The following SLC17A6 variants were observed in gnomAD, a reference collection of about 807,000 sequenced individuals.
SLC17A6 encodes the protein vesicular glutamate transporter 2.
Under a neutral mutation model 67.1 loss-of-function variants are expected in SLC17A6, and 35 were observed. The observed-to-expected ratio is 0.52, with a 90% confidence interval of 0.40 to 0.69. The LOEUF (loss-of-function observed/expected upper bound fraction) is 0.69. SLC17A6 is among the 30% of genes least tolerant of loss of function. The pLI is 0.00. For synonymous variants in SLC17A6, 285 were observed against 252.3 expected, an observed-to-expected ratio of 1.13 and a Z score of -1.23; for missense variants, 588 against 723.9, an observed-to-expected ratio of 0.81 and a Z score of 2.15.
intron 4 of SLC17A6, among the ~76,000 whole-genome samples, chr11:22,360,547 A>T (rs921195130): frequency 2.2e-5 from 3 of 137,006 alleles, no homozygotes; most frequent in African/African-American, 7.7e-5. Context: ...CAAAAAAAAG[A>T]TAGGTTCAAA....
intron 8 of SLC17A6, among the ~76,000 whole-genome samples, chr11:22,372,721 G>T (rs535363614): frequency 6.6e-6 from 1 of 152,160 alleles, no homozygotes; most frequent in South Asian, 2.1e-4. Context: ...TTTCTATGAA[G>T]AATAAATCAA....
At chr11:22,344,303 G>C (rs1855851926) in intron 3 of SLC17A6, among the ~76,000 whole-genome samples, 1 of 152,048 alleles carries the variant, frequency 6.6e-6, no homozygotes, top group South Asian at 2.1e-4. Context: ...CATTTTAAAG[G>C]AAGAGGACTA....
chr11:22,369,542 T>A (rs1856150971), intron 7 of SLC17A6, among the ~76,000 whole-genome samples: 1 of 151,984 alleles, frequency 6.6e-6, no homozygotes, highest in Admixed American at 6.6e-5. Context: ...TGATTGGTAG[T>A]AGAATAATTG....
chr11:22,340,608 T>C (rs535709926), intron 1 of SLC17A6, among the ~76,000 whole-genome samples: 34 of 152,286 alleles, frequency 2.2e-4, no homozygotes, highest in African/African-American at 7.0e-4. Context: ...GCATTTTGCG[T>C]CTTGGGAAAT....
chr11:22,350,239 T>C lies in SLC17A6; in HGVS notation c.458+6874T>C, dbSNP rs74499163. Among the ~76,000 whole-genome samples, 3,329 of 152,264 alleles carry C rather than the reference T, an allele frequency of 0.022. 269 individuals are homozygous for C. In the East Asian group the frequency reaches 0.29, roughly 13 times the overall value. On this transcript the variant is annotated intron_variant, in intron 3 of 11. Coordinates refer to ENST00000263160, the MANE Select transcript of SLC17A6 (RefSeq NM_020346.3). ...AAACATTTCTGTGTCATGATTACTA[T>C]TACACCTCTTGATTTTGGCAATCTC...
intron 7 of SLC17A6, 73 bp downstream of exon 7, chr11:22,365,762 A>G: frequency 6.7e-7 from 1 of 1,486,098 alleles, no homozygotes; most frequent in Non-Finnish European, 9.0e-7. Context: ...AAACTATCTT[A>G]CAAGTTCTTC....
chr11:22,360,712 A>T lies in SLC17A6; in HGVS notation c.574-185A>T, dbSNP rs192854111. Among the ~76,000 whole-genome samples, 1,365 of 152,124 alleles carry T rather than the reference A, an allele frequency of 9.0e-3. 20 individuals are homozygous for T. The highest frequency in any genetic ancestry group is 0.031 in the African/African-American group (1,288 of 41,502). ...AATGCCCTACAAAATGATCTCCCAA[A>T]TTTTTTCAAACTGTTCAGAATTGCA... is the stretch of plus-strand genomic sequence containing the variant. On this transcript the variant is annotated intron_variant, in intron 4 of 11. Coordinates refer to ENST00000263160, the MANE Select transcript of SLC17A6 (RefSeq NM_020346.3).
intron 3 of SLC17A6, among the ~76,000 whole-genome samples, chr11:22,355,077 A>G (rs774547851): frequency 6.6e-6 from 1 of 152,116 alleles, no homozygotes; most frequent in Non-Finnish European, 1.5e-5. Flanking sequence ...TGTGCCAGCC[A>G]TTCTTCTGGT....
intron 11 of SLC17A6, among the ~76,000 whole-genome samples, 177 bp from the exon 12 acceptor site, chr11:22,377,228 A>C (rs1856241240): frequency 6.6e-6 from 1 of 152,262 alleles, no homozygotes; most frequent in Non-Finnish European, 1.5e-5. Flanking sequence ...AACATTAAAT[A>C]ATAAAAGTAA....
intron 3 of SLC17A6, among the ~76,000 whole-genome samples, chr11:22,347,289 G>T (rs1855888442): frequency 1.3e-5 from 2 of 151,938 alleles, no homozygotes; most frequent in African/African-American, 4.8e-5. Context: ...CAAACTGTAG[G>T]TTCAGGCTCT....
At position 22,341,520 on chromosome 11, in the gene SLC17A6, C is replaced by T. The variant is rs962659984; in HGVS notation, c.87-8C>T. The T allele has an allele frequency of 6.2e-7, 1 of 1,611,972 alleles. No individual in the cohort carries two copies. Among genetic ancestry groups the T allele is most frequent in the Non-Finnish European group, 8.5e-7 (1 of 1,179,232 alleles). The stretch of plus-strand genomic sequence containing the variant: ...AAGTCCTTGACTCGCCCCTGCTCTG[C>T]CGCGCAGGGTGCTGGAGAAGAAGCA... On this transcript the variant is annotated splice_polypyrimidine_tract_variant and splice_region_variant and intron_variant, in intron 1 of 11. Coordinates refer to ENST00000263160, the MANE Select transcript of SLC17A6 (RefSeq NM_020346.3).
rs1218301982 is a variant in SLC17A6 at position 22,378,311 on chromosome 11, A to G, written c.*571A>G. On this transcript the variant is annotated 3_prime_UTR_variant, in exon 12 of 12. Coordinates refer to ENST00000263160, the MANE Select transcript of SLC17A6 (RefSeq NM_020346.3). ...GATATTTTGTTAGTCCTCAAAAGGA[A>G]TATCTTGCAGTGTTTTCTATGAAAT... 6.5e-6 allele frequency: 1 copy of G among 152,772 alleles called. No individual in the cohort carries two copies. Among genetic ancestry groups the G allele is most frequent in the African/African-American group, 2.4e-5 (1 of 41,468 alleles). The allele number at this position is 152,772 out of a possible 1,614,324, so 9.5% of individuals were successfully genotyped here. A position where few individuals can be genotyped will look rare whatever the true frequency, so the allele number is the denominator to read the frequency against.
chr11:22,343,401 G>C, intron 3 of SLC17A6, 36 bp downstream of exon 3: 1 of 1,557,104 alleles, frequency 6.4e-7, no homozygotes, highest in Non-Finnish European at 8.7e-7. Context: ...TCGGGGCGTG[G>C]TGTTTGTTTC....
At chr11:22,342,575 C>G (rs1028602832) in intron 2 of SLC17A6, among the ~76,000 whole-genome samples, 3 of 152,146 alleles carry the variant, frequency 2.0e-5, no homozygotes, top group Middle Eastern at 3.4e-3. Flanking sequence ...TTGAGGTTCC[C>G]CTCGGGGAGT....
chr11:22,370,509 G>C (rs1181479056), intron 8 of SLC17A6, among the ~76,000 whole-genome samples: 1 of 151,976 alleles, frequency 6.6e-6, no homozygotes, highest in Non-Finnish European at 1.5e-5. Context: ...TTAAGTCTCA[G>C]CTCACAGACA....
chr11:22,345,035 T>A (rs1017047256), intron 3 of SLC17A6, among the ~76,000 whole-genome samples: 4 of 152,130 alleles, frequency 2.6e-5, no homozygotes, highest in Non-Finnish European at 4.4e-5. Context: ...CTCAATATGA[T>A]GTCAAATGAA....
intron 3 of SLC17A6, among the ~76,000 whole-genome samples, chr11:22,347,709 T>G (rs934443515): frequency 1.3e-5 from 2 of 152,194 alleles, no homozygotes; most frequent in African/African-American, 4.8e-5. Context: ...TCCGTAAATT[T>G]TATTTGAAGG....
rs189557476 is a variant in SLC17A6, at chr11:22,357,815, T to G, written c.459-1598T>G. Among the ~76,000 whole-genome samples the G allele has an allele frequency of 5.9e-5, 9 of 152,298 alleles. No homozygotes were observed. The East Asian group carries it at 1.4e-3, about 23-fold the overall frequency. ...CCTCAAACCTTAGCATGCAAAATTA[T>G]CTTTGGCTTAAAACAAAAGGACATC... On this transcript the variant is annotated intron_variant, in intron 3 of 11. Coordinates refer to ENST00000263160, the MANE Select transcript of SLC17A6 (RefSeq NM_020346.3).
chr11:22,353,455 T>C (rs1855964237), intron 3 of SLC17A6, among the ~76,000 whole-genome samples: 1 of 152,182 alleles, frequency 6.6e-6, no homozygotes, highest in Non-Finnish European at 1.5e-5. Flanking sequence ...GCTAAAAGAA[T>C]TTAAGTAATG....
Sources: gnomAD v4.1 joint callset for allele counts (sites outside exome capture counted in the v4.1 genomes callset) on GRCh38, gnomAD v4.1.1 for gene constraint, MANE v1.5 for transcripts, NCBI Gene and HGNC (gene_info 2026-07-23, HGNC 2026-07-21) for gene names.